The following TXNDC12 variants were observed in gnomAD, a reference collection of about 807,000 sequenced individuals.
The protein encoded by TXNDC12 is thioredoxin domain-containing protein 12.
A neutral mutation model predicts 24.2 loss-of-function variants in TXNDC12; 22 were observed. The ratio of observed to expected loss-of-function variants is 0.91; its 90% CI spans 0.65 to 1.30. TXNDC12 has a LOEUF of 1.30. Among genes scored for constraint, TXNDC12 ranks in the 50% most tolerant of loss-of-function variants. The pLI is 0.00. For missense variants in TXNDC12, 184 were observed against 205.8 expected (o/e 0.89, Z 0.65); for synonymous variants, 58 against 73.4 (o/e 0.79, Z 1.07).
intron 2 of TXNDC12, chr1:52,033,293 T>A (rs778617290): frequency 6.2e-7 from 1 of 1,613,934 alleles, no homozygotes; most frequent in African/African-American, 1.3e-5. Context: ...GAGTCCGCAG[T>A]ATGCAGTTCC....
intron 2 of TXNDC12, chr1:52,033,867 T>G: frequency 6.9e-7 from 1 of 1,444,296 alleles, no homozygotes. Flanking sequence ...CTCCCTTGAC[T>G]TTTACAGACC....
chr1:52,055,654 C>T (rs1686328961), upstream of TXNDC12: 1 of 154,088 alleles, frequency 6.5e-6, no homozygotes, highest in Admixed American at 6.5e-5. Flanking sequence ...ACCTGGCAAG[C>T]CTGTTCTGCG....
rs1160257367 is a variant in TXNDC12, at chr1:52,033,251, G to C, written c.159-4621C>G. Reference sequence around the variant, plus strand: ...GATTCTTCTCGCTCCAGTTCCTTGGGTACGTCGGCCTGGGCACTTCCATTT... The same window carrying C: ...GATTCTTCTCGCTCCAGTTCCTTGGCTACGTCGGCCTGGGCACTTCCATTT... On this transcript the variant is annotated intron_variant, in intron 2 of 6. Transcript: ENST00000371626. 1.9e-6 allele frequency: 3 copies of C among 1,613,942 alleles called. No individual in the cohort carries two copies. Among genetic ancestry groups the C allele is most frequent in the Non-Finnish European group, 2.5e-6 (3 of 1,179,996 alleles).
intron 6 of TXNDC12, chr1:52,023,206 A>G: frequency 6.4e-6 from 2 of 314,870 alleles, no homozygotes; most frequent in South Asian, 9.5e-5. Flanking sequence ...TCTGGACTCA[A>G]ATTCTGGCTC....
At chr1:52,031,842 T>A (rs993779446) in intron 2 of TXNDC12, among the ~76,000 whole-genome samples, 1 of 152,334 alleles carries the variant, frequency 6.6e-6, no homozygotes, top group Non-Finnish European at 1.5e-5. Context: ...TCACAGCCAC[T>A]GTTAAAGTAG....
At chr1:52,051,196 T>C (rs1349165838) in intron 1 of TXNDC12, among the ~76,000 whole-genome samples, 1 of 152,202 alleles carries the variant, frequency 6.6e-6, no homozygotes, top group African/African-American at 2.4e-5. Flanking sequence ...CCATGGGTGA[T>C]GTACTCCAAA....
In TXNDC12 at chr1:52,023,503, T is replaced by C. The variant is rs1685630575; in HGVS notation, c.427A>G (p.Ser143Gly). 1 of 1,613,898 alleles carries C rather than the reference T, an allele frequency of 6.2e-7. No homozygotes were observed. Among genetic ancestry groups the C allele is most frequent in the Non-Finnish European group, 8.5e-7 (1 of 1,179,762 alleles). Residue 143 changes from serine to glycine, a missense_variant, in exon 6 of 7, where the codon AGT becomes GGT. Transcript: ENST00000371626. The part of the protein sequence containing the change: ...GNPSYKYFYV[S>G]AEQVVQGMKE... ...AGCATAACTATACCTTGCTCGGCAC[T>C]GACATAAAAATACTTGTAGCTGGGG... is the stretch of plus-strand genomic sequence containing the variant.
chr1:52,035,537 T>C (rs918654310), intron 2 of TXNDC12, among the ~76,000 whole-genome samples: 4 of 152,100 alleles, frequency 2.6e-5, no homozygotes, highest in African/African-American at 9.7e-5. Context: ...TGAAACCCTG[T>C]CTCTACTAAA....
At chr1:52,055,687 G>C (rs1686329768), upstream of TXNDC12, 1 of 152,584 alleles carries the variant, frequency 6.6e-6, no homozygotes, top group Admixed American at 6.5e-5. Context: ...GTGCCGTGCA[G>C]ACATGCACTT....
At chr1:52,052,161 G>GT (rs1318663658) in intron 1 of TXNDC12, among the ~76,000 whole-genome samples, 1 of 152,204 alleles carries the variant, frequency 6.6e-6, no homozygotes, top group Non-Finnish European at 1.5e-5. Context: ...ATGCTGCCAT[G>GT]TAACTGTCTG....
chr1:52,049,276 A>G (rs1176166523), intron 1 of TXNDC12, among the ~76,000 whole-genome samples: 2 of 152,162 alleles, frequency 1.3e-5, no homozygotes, highest in Non-Finnish European at 2.9e-5. Flanking sequence ...TTCTGCTGCA[A>G]TATCCCTAGA....
In TXNDC12 at chr1:52,024,688, C is replaced by A. The variant is rs75480937; in HGVS notation, c.286-109G>T. The A allele has an allele frequency of 4.2e-3, 3,170 of 754,932 alleles. 57 individuals carry two copies. The African/African-American group carries it at 0.047, about 11-fold the overall frequency. 46.8% of individuals were successfully genotyped at this position (754,932 alleles called of 1,614,324 possible). On this transcript the variant is annotated intron_variant, in intron 4 of 6. Coordinates refer to ENST00000371626, the MANE Select transcript of TXNDC12 (RefSeq NM_015913.4). ...GCAAAACCCCAAGTCCTTGCAGTGG[C>A]CTATAAGGCCCTACATGATCTATCA...
Position 52,055,038 on chromosome 1 carries a change from A to G in TXNDC12, c.59T>C (p.Leu20Pro). 1.2e-6 allele frequency: 2 copies of G among 1,614,102 alleles called. No individual in the cohort carries two copies. The highest frequency in any genetic ancestry group is 1.7e-6 in the Non-Finnish European group (2 of 1,179,978). ...TCLLGFSFLLLVISSDGHNGL... is the reference protein window; with the variant it reads ...TCLLGFSFLLPVISSDGHNGL... Reference sequence around the variant, plus strand: ...ATTATGTCCATCAGAAGAGATGACGAGGAGCAGGAAACTGAAGCCCAGCAA... The same window carrying G: ...ATTATGTCCATCAGAAGAGATGACGGGGAGCAGGAAACTGAAGCCCAGCAA... Residue 20 changes from leucine (L) to proline (P), a missense_variant, in exon 1 of 7, where the codon CTC becomes CCC. By Grantham distance (98) the Leu-to-Pro change is moderately conservative. Transcript: ENST00000371626.
chr1:52,055,043 C>G lies in TXNDC12; in HGVS notation c.54G>C (p.Leu18=). ...GTCCATCAGAAGAGATGACGAGGAG[C>G]AGGAAACTGAAGCCCAGCAAACAGG... ...GATCLLGFSF[L]LLVISSDGHN... is the part of the protein sequence containing the mutation. Residue 18 remains leucine, a synonymous_variant, in exon 1 of 7, where the codon CTG becomes CTC. Transcript: ENST00000371626. 1 of 1,614,090 alleles carries G rather than the reference C, an allele frequency of 6.2e-7. No individual in the cohort carries two copies. The highest frequency in any genetic ancestry group is 8.5e-7 in the Non-Finnish European group (1 of 1,179,992).
intron 2 of TXNDC12, among the ~76,000 whole-genome samples, chr1:52,028,910 T>A (rs1231338517): frequency 6.6e-6 from 1 of 152,138 alleles, no homozygotes; most frequent in Admixed American, 6.6e-5. Flanking sequence ...GGCAGATGAC[T>A]TGAGGCCACG....
rs186285188 is a variant in TXNDC12 at position 52,054,581 on chromosome 1, C to T, written c.97+419G>A. On this transcript the variant is annotated intron_variant, in intron 1 of 6. Transcript: ENST00000371626. ...CCCAAAGGCAAGCAAGTGGCAGTAA[C>T]CTAGCTCTTCGCGGAAGAAGTAACG... Among the ~76,000 whole-genome samples, 369 of 152,318 alleles carry T rather than the reference C, an allele frequency of 2.4e-3. 2 individuals are homozygous for T. The highest frequency in any genetic ancestry group is 6.2e-3 in the Admixed American group (95 of 15,296).
At chr1:52,022,510 C>T (rs1571996419) in intron 6 of TXNDC12, among the ~76,000 whole-genome samples, 1 of 152,032 alleles carries the variant, frequency 6.6e-6, no homozygotes, top group South Asian at 2.1e-4. Context: ...GCAAGCCTTA[C>T]AAACTCTATG....
chr1:52,034,039 T>G, intron 2 of TXNDC12: 2 of 1,382,428 alleles, frequency 1.4e-6, no homozygotes, highest in East Asian at 5.3e-5. Context: ...CCCGTCCATT[T>G]TATTAATAAG....
At position 52,020,378 on chromosome 1, in the gene TXNDC12, G is replaced by A. The variant is rs189520925; in HGVS notation, c.*555C>T. On this transcript the variant is annotated 3_prime_UTR_variant, in exon 7 of 7. Coordinates refer to ENST00000371626, the MANE Select transcript of TXNDC12 (RefSeq NM_015913.4). ...CAAGCATGAGAAGAGGAAAGAGGCT[G>A]TAGAAATTTGGGAAGAAGCCCACAA... The A allele has an allele frequency of 2.5e-5, 8 of 324,548 alleles. No homozygotes were observed. The East Asian group carries it at 4.7e-4, about 19-fold the overall frequency. The allele number at this position is 324,548 out of a possible 1,614,324, so 20.1% of individuals were successfully genotyped here. A position where few individuals can be genotyped will look rare whatever the true frequency, so the allele number is the denominator to read the frequency against.
Sources: gnomAD v4.1 joint callset for allele counts (sites outside exome capture counted in the v4.1 genomes callset) on GRCh38, gnomAD v4.1.1 for gene constraint, MANE v1.5 for transcripts, NCBI Gene and HGNC (gene_info 2026-07-23, HGNC 2026-07-21) for gene names.